The following ITPR2 variants were observed in gnomAD, a reference collection of about 807,000 sequenced individuals.
ITPR2 encodes the protein inositol 1,4,5-trisphosphate receptor type 2.
A neutral mutation model predicts 317.1 loss-of-function variants in ITPR2; 207 were observed. The observed-to-expected ratio is 0.65, with a 90% CI of 0.58 to 0.73. The LOEUF (loss-of-function observed/expected upper bound fraction) is 0.73, where lower values mean the gene tolerates loss of function less well. ITPR2 is among the 30% of genes least tolerant of loss of function. The pLI is 0.00. For synonymous variants in ITPR2, 1,156 were observed against 1,149.1 expected, an observed-to-expected ratio of 1.01 and a Z score of -0.12; for missense variants, 2,613 against 3,284.0, an observed-to-expected ratio of 0.80 and a Z score of 4.99.
chr12:26,691,849 T>G (rs1261217480), intron 10 of ITPR2, among the ~76,000 whole-genome samples: 1 of 152,060 alleles, frequency 6.6e-6, no homozygotes, highest in East Asian at 1.9e-4. Flanking sequence ...ACGATGTGCA[T>G]GCACGTGTGT....
At chr12:26,784,384 T>C in intron 2 of ITPR2, among the ~76,000 whole-genome samples, 1 of 139,572 alleles carries the variant, frequency 7.2e-6, no homozygotes, top group Non-Finnish European at 1.6e-5. Context: ...CCTTCCACGG[T>C]CTCCCTCTGA....
intron 2 of ITPR2, among the ~76,000 whole-genome samples, chr12:26,736,299 C>A (rs1949117302): frequency 1.3e-5 from 2 of 152,156 alleles, no homozygotes; most frequent in African/African-American, 4.8e-5. Flanking sequence ...AGCTTACCAA[C>A]GACTGGGAAA....
At chr12:26,484,044 G>A in intron 41 of ITPR2, 146 bp from the exon 42 acceptor site, 1 of 661,142 alleles carries the variant, frequency 1.5e-6, no homozygotes, top group South Asian at 1.9e-5. Context: ...CTTAAGGAGG[G>A]AGAAACGCCC....
intron 30 of ITPR2, among the ~76,000 whole-genome samples, chr12:26,598,054 C>T (rs540758582): frequency 6.6e-6 from 1 of 152,224 alleles, no homozygotes; most frequent in Non-Finnish European, 1.5e-5. Context: ...ACACTTCACC[C>T]AACAGTATCA....
intron 55 of ITPR2, among the ~76,000 whole-genome samples, chr12:26,363,395 T>C (rs1938901684): frequency 6.6e-6 from 1 of 152,134 alleles, no homozygotes; most frequent in South Asian, 2.1e-4. Flanking sequence ...TAATAACAAA[T>C]AAAGTGTGCA....
chr12:26,719,978 C>A (rs906634107), intron 5 of ITPR2, among the ~76,000 whole-genome samples: 2 of 151,984 alleles, frequency 1.3e-5, no homozygotes, highest in Non-Finnish European at 2.9e-5. Context: ...TGGGAAGATA[C>A]ATAAAGATAA....
rs1555144092 is a variant in ITPR2, at chr12:26,507,863, CTGTGTG to C, written c.5074-12609_5074-12604del. Among the ~76,000 whole-genome samples the C allele has an allele frequency of 1.5e-3, 199 of 132,284 alleles. 1 individual carries two copies. The East Asian group carries it at 0.036, about 24-fold the overall frequency. 86.8% of individuals were successfully genotyped at this position (132,284 alleles called of 152,430 possible). The stretch of plus-strand genomic sequence containing the variant: ...TCTCTCTACTCTTCTCTCTCTGTCT[CTGTGTG>C]TGTGTGTGTGTGTGTGTGTGTGTGT... On this transcript the variant is annotated intron_variant, in intron 37 of 56. Coordinates refer to ENST00000381340, the MANE Select transcript of ITPR2 (RefSeq NM_002223.4).
intron 45 of ITPR2, among the ~76,000 whole-genome samples, chr12:26,448,805 C>T (rs535419363): frequency 6.6e-6 from 1 of 152,022 alleles, no homozygotes; most frequent in Non-Finnish European, 1.5e-5. Flanking sequence ...AGATGCATCA[C>T]TAAATAGGAA....
At chr12:26,468,395 G>C (rs1269689846) in intron 45 of ITPR2, among the ~76,000 whole-genome samples, 1 of 152,130 alleles carries the variant, frequency 6.6e-6, no homozygotes, top group Non-Finnish European at 1.5e-5. Flanking sequence ...AGTTGAATAA[G>C]ATTATGGACT....
At chr12:26,629,650 C>G (rs1056570190) in intron 22 of ITPR2, among the ~76,000 whole-genome samples, 3 of 152,054 alleles carry the variant, frequency 2.0e-5, no homozygotes, top group Non-Finnish European at 2.9e-5. Context: ...TCACTGGTTC[C>G]CCAGTCACAA....
chr12:26,794,050 C>T (rs1445840496), intron 1 of ITPR2, among the ~76,000 whole-genome samples: 1 of 152,052 alleles, frequency 6.6e-6, no homozygotes, highest in Non-Finnish European at 1.5e-5. Context: ...AACATAAAAC[C>T]TGTTGTTTTT....
intron 1 of ITPR2, among the ~76,000 whole-genome samples, chr12:26,808,487 G>A (rs949953210): frequency 1.3e-5 from 2 of 152,072 alleles, no homozygotes; most frequent in Non-Finnish European, 2.9e-5. Flanking sequence ...TATGAACCAC[G>A]CACTGTTCTA....
intron 1 of ITPR2, among the ~76,000 whole-genome samples, chr12:26,808,558 A>C (rs776439292): frequency 6.6e-6 from 1 of 152,196 alleles, no homozygotes; most frequent in Non-Finnish European, 1.5e-5. Context: ...TTTTAATGTT[A>C]GAGCCATTAT....
At chr12:26,659,581 G>T (rs543225411) in intron 15 of ITPR2, among the ~76,000 whole-genome samples, 2 of 152,214 alleles carry the variant, frequency 1.3e-5, no homozygotes, top group South Asian at 4.1e-4. Flanking sequence ...TCTAATTAAA[G>T]TAAGTTTTTA....
intron 35 of ITPR2, among the ~76,000 whole-genome samples, chr12:26,558,398 G>A (rs1037122066): frequency 1.3e-5 from 2 of 152,102 alleles, no homozygotes; most frequent in Admixed American, 1.3e-4. Flanking sequence ...TTTGCTGCAA[G>A]GATTAAAGGT....
chr12:26,790,586 T>TACACACACACACACACAC (rs10527860), intron 1 of ITPR2, among the ~76,000 whole-genome samples: 1,765 of 147,780 alleles, frequency 0.012, 19 homozygotes, highest in Middle Eastern at 0.039. Flanking sequence ...CATATATGCT[T>TACACACACACACACACAC]ACACACACAC....
At chr12:26,659,054 A>C in intron 16 of ITPR2, 59 bp downstream of exon 16, 12 of 1,406,954 alleles carry the variant, frequency 8.5e-6, no homozygotes, top group Non-Finnish European at 1.2e-5. Context: ...AAGTTCTAAA[A>C]ATAAAACATA....
intron 37 of ITPR2, among the ~76,000 whole-genome samples, chr12:26,545,014 C>T (rs1038006775): frequency 6.6e-6 from 1 of 152,154 alleles, no homozygotes; most frequent in African/African-American, 2.4e-5. Flanking sequence ...AGATTCCAAG[C>T]ATTTTTGTTC....
chr12:26,788,018 A>T (rs896752132), intron 2 of ITPR2, among the ~76,000 whole-genome samples: 11 of 141,670 alleles, frequency 7.8e-5, no homozygotes, highest in African/African-American at 2.9e-4. Context: ...TCTGCCTCCC[A>T]TTCAGGTGAT....
Sources: allele counts gnomAD v4.1 joint callset (sites outside exome capture counted in the v4.1 genomes callset), GRCh38; gene constraint gnomAD v4.1.1; transcripts MANE v1.5; gene names NCBI Gene and HGNC (gene_info 2026-07-23, HGNC 2026-07-21).